Variants in CTNNA3 observed in about 807,000 individuals in gnomAD.
CTNNA3 encodes the protein catenin alpha-3.
In CTNNA3, 76 loss-of-function variants were observed where a neutral mutation model predicts 95.7. The observed-to-expected ratio is 0.79, with a 90% CI of 0.66 to 0.96. The LOEUF (loss-of-function observed/expected upper bound fraction) is 0.96, where lower values mean the gene tolerates loss of function less well. Ranked by LOEUF, CTNNA3 falls within the 40% of genes least tolerant of loss-of-function variation. The pLI, the probability that CTNNA3 is intolerant of heterozygous loss-of-function variation, is 0.00. For synonymous variants in CTNNA3, 431 were observed against 374.4 expected (o/e 1.15, Z -1.74); for missense variants, 1,191 against 1,089.8 (o/e 1.09, Z -1.31).
intron 1 of CTNNA3, among the ~76,000 whole-genome samples, chr10:67,666,933 A>G (rs1330079237): frequency 1.3e-5 from 2 of 152,166 alleles, no homozygotes; most frequent in Non-Finnish European, 1.5e-5. Flanking sequence ...TTCAATCATC[A>G]GAAAGACTTC....
intron 11 of CTNNA3, among the ~76,000 whole-genome samples, chr10:66,429,139 A>G (rs1178701196): frequency 6.6e-6 from 1 of 152,194 alleles, no homozygotes; most frequent in Non-Finnish European, 1.5e-5. Context: ...TACACAAATA[A>G]ACTAGAAAAT....
At chr10:66,457,893 AAACCCAT>A (rs2093505201) in intron 11 of CTNNA3, among the ~76,000 whole-genome samples, 1 of 152,158 alleles carries the variant, frequency 6.6e-6, no homozygotes, top group African/African-American at 2.4e-5. Context: ...GGCCTCTTCA[AAACCCAT>A]GAAGTGATGA....
intron 9 of CTNNA3, among the ~76,000 whole-genome samples, chr10:66,690,028 G>C (rs750574205): frequency 1.3e-5 from 2 of 152,108 alleles, no homozygotes; most frequent in Non-Finnish European, 2.9e-5. Context: ...AGAACAAAAG[G>C]ACAAAGCTGA....
chr10:67,563,606 C>A (rs976641590), intron 3 of CTNNA3, among the ~76,000 whole-genome samples: 6 of 152,062 alleles, frequency 3.9e-5, no homozygotes, highest in Non-Finnish European at 2.9e-5. Flanking sequence ...AGTTAAACAC[C>A]AAGAGCAATG....
intron 1 of CTNNA3, among the ~76,000 whole-genome samples, chr10:67,685,215 A>G (rs910239868): frequency 4.6e-5 from 7 of 151,890 alleles, no homozygotes; most frequent in Non-Finnish European, 1.0e-4. Context: ...AAACCTTGTA[A>G]GTTTGGGATT....
chr10:67,535,376 G>C (rs536427092), intron 4 of CTNNA3, among the ~76,000 whole-genome samples: 1 of 152,118 alleles, frequency 6.6e-6, no homozygotes, highest in African/African-American at 2.4e-5. Flanking sequence ...ACAAAATCGA[G>C]AGTCAAAGGA....
intron 1 of CTNNA3, among the ~76,000 whole-genome samples, chr10:67,658,161 G>C (rs1444221381): frequency 6.6e-6 from 1 of 152,160 alleles, no homozygotes; most frequent in African/African-American, 2.4e-5. Context: ...GAGAATCCAG[G>C]CTCTGTTCCC....
intron 9 of CTNNA3, among the ~76,000 whole-genome samples, chr10:66,659,227 GT>G (rs1846174064): frequency 6.7e-6 from 1 of 148,592 alleles, no homozygotes; most frequent in Non-Finnish European, 1.5e-5. Flanking sequence ...CATACGTGTA[GT>G]TCAATTTAAC....
At chr10:66,401,518 AACACACACACACACACACACAC>A (rs140986771) in intron 11 of CTNNA3, among the ~76,000 whole-genome samples, 5 of 144,008 alleles carry the variant, frequency 3.5e-5, no homozygotes, top group Non-Finnish European at 6.1e-5. Context: ...TGTGTCTCAA[AACACACACACACACACACACAC>A]ACACACACAC....
At chr10:67,624,428 A>G (rs1262351577) in intron 2 of CTNNA3, among the ~76,000 whole-genome samples, 1 of 152,086 alleles carries the variant, frequency 6.6e-6, no homozygotes, top group African/African-American at 2.4e-5. Flanking sequence ...CTACACCCCA[A>G]GTTGACACAT....
chr10:66,155,074 G>A (rs1309167068), intron 13 of CTNNA3, among the ~76,000 whole-genome samples: 4 of 151,596 alleles, frequency 2.6e-5, no homozygotes, highest in African/African-American at 7.3e-5. Flanking sequence ...TTTGGCCTGC[G>A]GGCTGTAGTT....
chr10:66,921,891 C>T (rs1403296680), intron 7 of CTNNA3, among the ~76,000 whole-genome samples: 1 of 152,154 alleles, frequency 6.6e-6, no homozygotes, highest in Non-Finnish European at 1.5e-5. Flanking sequence ...CAGTGTTTAG[C>T]ACACAATGGT....
intron 13 of CTNNA3, among the ~76,000 whole-genome samples, chr10:66,252,144 A>T (rs555487692): frequency 2.6e-5 from 4 of 152,280 alleles, no homozygotes; most frequent in African/African-American, 9.6e-5. Flanking sequence ...AATGATATAT[A>T]TATTATTTAC....
At chr10:67,369,435 T>C (rs1843334971) in intron 5 of CTNNA3, among the ~76,000 whole-genome samples, 1 of 152,188 alleles carries the variant, frequency 6.6e-6, no homozygotes, top group Admixed American at 6.5e-5. Context: ...CATGTGATAA[T>C]TCCTTTTCAA....
chr10:66,889,895 A>G (rs1362781469), intron 7 of CTNNA3, among the ~76,000 whole-genome samples: 2 of 150,454 alleles, frequency 1.3e-5, no homozygotes, highest in Non-Finnish European at 2.9e-5. Context: ...GGTTCCAGCG[A>G]TTCTCCTGCC....
At chr10:67,706,379 G>A (rs1841078735) in intron 1 of CTNNA3, among the ~76,000 whole-genome samples, 1 of 151,346 alleles carries the variant, frequency 6.6e-6, no homozygotes, top group Non-Finnish European at 1.5e-5. Context: ...GGAAGTGAGA[G>A]AAAGGAGGAA....
At chr10:67,342,090 A>ATTTTTT (rs1842218747) in intron 5 of CTNNA3, among the ~76,000 whole-genome samples, 1 of 87,950 alleles carries the variant, frequency 1.1e-5, no homozygotes. Context: ...TAATTTATTT[A>ATTTTTT]TTTTTCTTCT....
chr10:67,243,564 A>G (rs901455975), intron 5 of CTNNA3, among the ~76,000 whole-genome samples: 2 of 152,182 alleles, frequency 1.3e-5, no homozygotes, highest in Non-Finnish European at 2.9e-5. Flanking sequence ...TAATCCACAA[A>G]TAAGAAAACT....
chr10:67,632,434 C>G (rs898111271), intron 2 of CTNNA3, among the ~76,000 whole-genome samples: 1 of 152,088 alleles, frequency 6.6e-6, no homozygotes, highest in African/African-American at 2.4e-5. Flanking sequence ...TCTGCGCACT[C>G]AGAGAGGAAG....
Sources: gnomAD v4.1 joint callset for allele counts (sites outside exome capture counted in the v4.1 genomes callset) on GRCh38, gnomAD v4.1.1 for gene constraint, MANE v1.5 for transcripts, NCBI Gene and HGNC (gene_info 2026-07-23, HGNC 2026-07-21) for gene names.